The following ZNF318 variants were observed in gnomAD, a reference collection of about 807,000 sequenced individuals.
The protein encoded by ZNF318 is endocrine regulator.
A neutral mutation model predicts 124.2 loss-of-function variants in ZNF318; 51 were observed. That is an observed-to-expected ratio of 0.41 (90% CI 0.33 to 0.52). The LOEUF (loss-of-function observed/expected upper bound fraction) is 0.52. ZNF318 is among the 20% of genes least tolerant of loss of function. ZNF318 has a pLI of 0.23. For synonymous variants in ZNF318, 1,090 were observed against 1,040.7 expected (o/e 1.05, Z -0.91); for missense variants, 2,815 against 2,811.2 (o/e 1.00, Z -0.03).
chr6:43,361,808 C>T (rs1779684724), intron 2 of ZNF318, among the ~76,000 whole-genome samples: 1 of 152,068 alleles, frequency 6.6e-6, no homozygotes. Context: ...TGATATAAAA[C>T]TTAACAGATT....
chr6:43,337,405 G>A lies in ZNF318; in HGVS notation c.6593C>T (p.Ser2198Phe). 6.2e-7 allele frequency: 1 copy of A among 1,614,196 alleles called. No individual in the cohort carries two copies. The highest frequency in any genetic ancestry group is 8.5e-7 in the Non-Finnish European group (1 of 1,180,028). ...CCCCAACTCCAGGGAACTACATTTA[G>A]AAGGGTCACCTGGCTCAGAGAGTGG... ...CSPLSEPGDPSKCSSLELGPL... is the reference protein window; with the variant it reads ...CSPLSEPGDPFKCSSLELGPL... The change falls in exon 10 of 10, where the codon TCT (serine) becomes TTT (phenylalanine). Residue 2198 changes from serine to phenylalanine, a missense_variant. Ser to Phe is a radical substitution (Grantham distance 155, BLOSUM62 -2). Around this residue, in one of 4 missense-constraint regions of ZNF318, gnomAD observed 927 missense variants for 820.6 expected, o/e 1.13. Coordinates refer to ENST00000361428, the MANE Select transcript of ZNF318 (RefSeq NM_014345.3).
chr6:43,343,827 C>CAAA (rs10560070), intron 6 of ZNF318, among the ~76,000 whole-genome samples: 20 of 101,930 alleles, frequency 2.0e-4, no homozygotes, highest in Non-Finnish European at 4.0e-4. Flanking sequence ...GACCCTGTCT[C>CAAA]AAAAAAAAAA....
chr6:43,355,122 C>G lies in ZNF318; in HGVS notation c.2212G>C (p.Val738Leu), dbSNP rs994422282. ...VGSGFQSSVA[V>L]RCMLPSAPSA... ...GGGGCTGATGGCAACATGCACCTGA[C>G]TGCAACAGATGACTGAAACCCACTA... The change falls in exon 4 of 10, where the codon GTC becomes CTC. Residue 738 changes from valine (V) to leucine (L), a missense_variant. By Grantham distance (32) the Val-to-Leu change is conservative (BLOSUM62 1). Transcript: ENST00000361428. 10 of 1,614,208 alleles carry G rather than the reference C, an allele frequency of 6.2e-6. No individual in the cohort carries two copies. The highest frequency in any genetic ancestry group is 6.8e-6 in the Non-Finnish European group (8 of 1,180,052).
chr6:43,338,603 T>C lies in ZNF318; in HGVS notation c.5395A>G (p.Thr1799Ala). The change falls in exon 10 of 10, where the codon ACC (threonine) becomes GCC (alanine). Residue 1799 changes from threonine (T) to alanine (A), a missense_variant. Coordinates refer to ENST00000361428, the MANE Select transcript of ZNF318 (RefSeq NM_014345.3). ...SEGIVDEGVSTSIGPHSIDDS... is the reference protein window; with the variant it reads ...SEGIVDEGVSASIGPHSIDDS... ...TCTATGCTGTGGGGTCCAATGCTGG[T>C]ACTTACTCCCTCATCAACTATCCCC... 1 of 1,614,158 alleles carries C rather than the reference T, an allele frequency of 6.2e-7. No individual in the cohort carries two copies. The highest frequency in any genetic ancestry group is 8.5e-7 in the Non-Finnish European group (1 of 1,180,014).
At chr6:43,346,830 G>GT (rs1323981434) in intron 6 of ZNF318, among the ~76,000 whole-genome samples, 12 of 152,246 alleles carry the variant, frequency 7.9e-5, no homozygotes, top group Admixed American at 2.0e-4. Flanking sequence ...GTGACGCAGC[G>GT]TAAGATGTAA....
chr6:43,340,760 G>C (rs753766311), intron 9 of ZNF318, 30 bp downstream of exon 9: 1 of 1,583,254 alleles, frequency 6.3e-7, no homozygotes, highest in South Asian at 1.1e-5. Context: ...AGAAAAGTTG[G>C]AAACTCCACA....
Position 43,342,031 on chromosome 6 carries a change from C to T in ZNF318, c.3376+81G>A, listed in dbSNP as rs533833388. ...GGAATGGCTGTCTCATGCTATGCTG[C>T]TTCCTACAATGTTAGTTCAGGGACA... On this transcript the variant is annotated intron_variant, in intron 8 of 9. Coordinates refer to ENST00000361428, the MANE Select transcript of ZNF318 (RefSeq NM_014345.3). 61 of 1,240,636 alleles carry T rather than the reference C, an allele frequency of 4.9e-5. No individual in the cohort carries two copies. In the African/African-American group the frequency reaches 8.6e-4, roughly 17 times the overall value. The allele number at this position is 1,240,636 out of a possible 1,614,324, so 76.9% of individuals were successfully genotyped here. A position where few individuals can be genotyped will look rare whatever the true frequency, so the allele number is the denominator to read the frequency against.
At chr6:43,363,822 C>T (rs1779720677) in intron 2 of ZNF318, 7 of 917,234 alleles carry the variant, frequency 7.6e-6, no homozygotes, top group South Asian at 2.9e-5. Flanking sequence ...ACAATGGCCA[C>T]GTCGGTCTGG....
At chr6:43,340,602 G>C in intron 9 of ZNF318, 100 bp from the exon 10 acceptor site, 1 of 1,493,584 alleles carries the variant, frequency 6.7e-7, no homozygotes, top group Non-Finnish European at 8.9e-7. Context: ...GAAATCCCCA[G>C]AATTATCTTC....
chr6:43,365,172 A>G lies in ZNF318; in HGVS notation c.548+120T>C. On this transcript the variant is annotated intron_variant, in intron 2 of 9. Transcript: ENST00000361428. ...CCCAGCGTTTTATTTTGTACTGGACATGTGGCATAGGAAATAACTTTAGAG... is the reference window on the plus strand; with the variant it reads ...CCCAGCGTTTTATTTTGTACTGGACGTGTGGCATAGGAAATAACTTTAGAG... 3.7e-6 allele frequency: 4 copies of G among 1,082,454 alleles called. No individual in the cohort carries two copies. In the South Asian group the frequency reaches 4.7e-5, roughly 13 times the overall value. 67.1% of individuals were successfully genotyped at this position (1,082,454 alleles called of 1,614,324 possible). A position where few individuals can be genotyped will look rare whatever the true frequency, so the allele number is the denominator to read the frequency against.
intron 4 of ZNF318, 55 bp downstream of exon 4, chr6:43,354,608 CA>C: frequency 6.6e-7 from 1 of 1,507,180 alleles, no homozygotes; most frequent in East Asian, 2.3e-5. Context: ...AAAACATATA[CA>C]AATTTATGGC....
chr6:43,356,715 A>G (rs1473874471), intron 3 of ZNF318, among the ~76,000 whole-genome samples: 2 of 152,218 alleles, frequency 1.3e-5, no homozygotes, highest in African/African-American at 4.8e-5. Flanking sequence ...GTCCAAAATC[A>G]GAATCATCTG....
rs1779620298 is a variant in ZNF318 at position 43,357,179 on chromosome 6, T to C, written c.1135A>G (p.Lys379Glu). 1.2e-6 allele frequency: 2 copies of C among 1,614,140 alleles called. No individual in the cohort carries two copies. The highest frequency in any genetic ancestry group is 2.7e-5 in the African/African-American group (2 of 75,038). Residue 379 changes from lysine (K) to glutamate (E), a missense_variant, in exon 3 of 10, where the codon AAA becomes GAA. Transcript: ENST00000361428. ...RPEEVSVMPK[K>E]SILKKRIEVD... ...TCAATCCGCTTCTTCAAAATGGATT[T>C]CTTGGGCATCACAGATACTTCCTCA...
chr6:43,355,565 G>C lies in ZNF318; in HGVS notation c.1769C>G (p.Ala590Gly), dbSNP rs140875594. ...TGTCTTGAGCAAGTCATGGATCTTC[G>C]CATATTCTGGATTGGTCTCTTCTAG... ...ESLEETNPEY[A>G]KIHDLLKTIG... is the part of the protein sequence containing the mutation. The change falls in exon 4 of 10, where the codon GCG (alanine) becomes GGG (glycine). Residue 590 changes from alanine to glycine, a missense_variant. Ala to Gly is a moderately conservative substitution (Grantham distance 60, BLOSUM62 0). Coordinates refer to ENST00000361428, the MANE Select transcript of ZNF318 (RefSeq NM_014345.3). 1.2e-6 allele frequency: 2 copies of C among 1,613,998 alleles called. No homozygotes were observed. The highest frequency in any genetic ancestry group is 1.7e-6 in the Non-Finnish European group (2 of 1,180,038).
chr6:43,347,551 A>G (rs760579374), intron 6 of ZNF318, among the ~76,000 whole-genome samples: 3 of 152,226 alleles, frequency 2.0e-5, no homozygotes, highest in Admixed American at 1.3e-4. Context: ...TTGAGAATGC[A>G]TAACAATGGA....
chr6:43,348,286 A>G, intron 6 of ZNF318, 38 bp downstream of exon 6: 3 of 1,570,394 alleles, frequency 1.9e-6, no homozygotes, highest in Non-Finnish European at 1.7e-6. Context: ...GTCTAAGGGA[A>G]AAAAAAGATG....
At chr6:43,343,705 T>C (rs1779402852) in intron 6 of ZNF318, among the ~76,000 whole-genome samples, 1 of 151,718 alleles carries the variant, frequency 6.6e-6, no homozygotes, top group South Asian at 2.1e-4. Context: ...GGTGTGCACC[T>C]GTATTCCCAG....
rs754968812 is a variant in ZNF318, at chr6:43,355,263, C to A, written c.2071G>T (p.Val691Leu). The A allele has an allele frequency of 1.9e-6, 3 of 1,614,016 alleles. No homozygotes were observed. The highest frequency in any genetic ancestry group is 2.5e-6 in the Non-Finnish European group (3 of 1,180,030). Reference sequence around the variant, plus strand: ...GGAGAAGGTGGGTGTGGATGGGACACCTCTGGAGAGTGGGTATTGCTATGA... The same window carrying A: ...GGAGAAGGTGGGTGTGGATGGGACAACTCTGGAGAGTGGGTATTGCTATGA... ...AHHSNTHSPE[V>L]SHPHPPSPVD... is the part of the protein sequence containing the mutation. The change falls in exon 4 of 10, where the codon GTG becomes TTG. Residue 691 changes from valine (V) to leucine (L), a missense_variant. Val to Leu is a conservative substitution (Grantham distance 32). Coordinates refer to ENST00000361428, the MANE Select transcript of ZNF318 (RefSeq NM_014345.3).
At position 43,338,268 on chromosome 6, in the gene ZNF318, C is replaced by T. The variant is rs1779317817; in HGVS notation, c.5730G>A (p.Glu1910=). 1 of 1,614,172 alleles carries T rather than the reference C, an allele frequency of 6.2e-7. No homozygotes were observed. The highest frequency in any genetic ancestry group is 1.3e-5 in the African/African-American group (1 of 75,054). ...SAMCLTGSPQ[E]QGVSVVSEEG... ...CCTCACTAACAACTGAAACTCCTTGCTCTTGTGGACTACCTGTTAAACACA... is the reference window on the plus strand; with the variant it reads ...CCTCACTAACAACTGAAACTCCTTGTTCTTGTGGACTACCTGTTAAACACA... The change falls in exon 10 of 10, where the codon GAG becomes GAA. Residue 1910 remains glutamate (E), a synonymous_variant. Coordinates refer to ENST00000361428, the MANE Select transcript of ZNF318 (RefSeq NM_014345.3).
Sources: gnomAD v4.1 joint callset for allele counts (sites outside exome capture counted in the v4.1 genomes callset) on GRCh38, gnomAD v4.1.1 for gene constraint, gnomAD v4.1.1 regional missense constraint, MANE v1.5 for transcripts, NCBI Gene and HGNC (gene_info 2026-07-23, HGNC 2026-07-21) for gene names.